Variants in FGF14 observed in about 807,000 individuals in gnomAD.
FGF14 encodes the protein fibroblast growth factor 14, also known as fibroblast growth factor homologous factor 4.
In FGF14, 5 loss-of-function variants were observed where a neutral mutation model predicts 25.5. The ratio of observed to expected loss-of-function variants is 0.20; its 90% CI spans 0.10 to 0.41. The LOEUF (loss-of-function observed/expected upper bound fraction) is 0.41. Ranked by LOEUF, FGF14 falls within the 10% of genes least tolerant of loss-of-function variation. The probability of loss-of-function intolerance (pLI) is 1.00; values close to 1 mark genes in which losing one functional copy is unlikely to be tolerated. For missense variants in FGF14, 222 were observed against 320.1 expected, an observed-to-expected ratio of 0.69 and a Z score of 2.34; for synonymous variants, 138 against 118.3, an observed-to-expected ratio of 1.17 and a Z score of -1.08.
At chr13:102,169,109 G>A (rs745464477) in intron 1 of FGF14, among the ~76,000 whole-genome samples, 1 of 150,852 alleles carries the variant, frequency 6.6e-6, no homozygotes, top group African/African-American at 2.4e-5. Flanking sequence ...ATGAAGCTTT[G>A]TAAGATTCGT....
chr13:102,039,328 A>T (rs1333364972), intron 1 of FGF14, among the ~76,000 whole-genome samples: 1 of 152,154 alleles, frequency 6.6e-6, no homozygotes, highest in Non-Finnish European at 1.5e-5. Flanking sequence ...AGAGGAGAAA[A>T]AGCCCACAGC....
intron 3 of FGF14, among the ~76,000 whole-genome samples, chr13:101,782,819 T>C (rs2039587138): frequency 6.6e-6 from 1 of 152,216 alleles, no homozygotes; most frequent in African/African-American, 2.4e-5. Context: ...TCCATGTCTT[T>C]GCTATTGTGA....
chr13:102,017,182 G>A (rs2040392306), intron 1 of FGF14: 2 of 277,564 alleles, frequency 7.2e-6, no homozygotes, highest in Non-Finnish European at 1.4e-5. Context: ...GGGTAGAAGT[G>A]TATTCTCCAG....
intron 1 of FGF14, among the ~76,000 whole-genome samples, chr13:102,025,387 G>A (rs1050052015): frequency 6.6e-6 from 1 of 151,876 alleles, no homozygotes; most frequent in African/African-American, 2.4e-5. Context: ...TTTTGATGAT[G>A]TTCTGTAGCT....
At chr13:101,816,063 G>T (rs1310419969) in intron 3 of FGF14, among the ~76,000 whole-genome samples, 1 of 151,774 alleles carries the variant, frequency 6.6e-6, no homozygotes, top group Non-Finnish European at 1.5e-5. Flanking sequence ...GAGGTCAGGA[G>T]ATCGAGACCA....
At chr13:101,985,030 T>C (rs2038485616) in intron 1 of FGF14, among the ~76,000 whole-genome samples, 1 of 151,570 alleles carries the variant, frequency 6.6e-6, no homozygotes, top group Admixed American at 6.6e-5. Context: ...ACCATATAGA[T>C]TGTCATGAGC....
intron 1 of FGF14, among the ~76,000 whole-genome samples, chr13:102,123,349 ATAAT>A (rs1408354245): frequency 1.3e-5 from 2 of 152,218 alleles, no homozygotes; most frequent in Non-Finnish European, 2.9e-5. Context: ...AGGTTAATCA[ATAAT>A]TAAGTTAGAA....
chr13:101,757,356 A>C lies in FGF14; in HGVS notation c.409-30546T>G, dbSNP rs1351854028. The stretch of plus-strand genomic sequence containing the variant: ...CTTTTGGGAGAAAAGGGGGGAATAT[A>C]TTTTGAATTGGAATTGAAGCAGATA... On this transcript the variant is annotated intron_variant, in intron 3 of 4. Transcript: ENST00000376143. 2.0e-5 allele frequency among the ~76,000 whole-genome samples: 3 copies of C among 152,112 alleles called. No individual in the cohort carries two copies. The East Asian group carries it at 5.8e-4, about 29-fold the overall frequency.
At chr13:101,821,685 C>T (rs1024402777) in intron 3 of FGF14, among the ~76,000 whole-genome samples, 8 of 152,204 alleles carry the variant, frequency 5.3e-5, no homozygotes, top group Non-Finnish European at 1.2e-4. Flanking sequence ...TTCTGTTCTA[C>T]AACACTACCA....
At position 102,247,091 on chromosome 13, in the gene FGF14, G is replaced by A. The variant is rs765348261; in HGVS notation, c.208+154380C>T. Among the ~76,000 whole-genome samples, 11 of 151,702 alleles carry A rather than the reference G, an allele frequency of 7.3e-5. No individual in the cohort carries two copies. In the East Asian group the frequency reaches 9.7e-4, roughly 13 times the overall value. On this transcript the variant is annotated intron_variant, in intron 1 of 4. Transcript: ENST00000376131. Reference sequence around the variant, plus strand: ...TTACACCATATGCAAAGTTCAAGACGGATTAAGAATTTAAATATAAAATCA... The same window carrying A: ...TTACACCATATGCAAAGTTCAAGACAGATTAAGAATTTAAATATAAAATCA...
At chr13:102,312,968 C>T in intron 1 of FGF14, among the ~76,000 whole-genome samples, 1 of 152,158 alleles carries the variant, frequency 6.6e-6, no homozygotes, top group Non-Finnish European at 1.5e-5. Context: ...AGAGGAGACA[C>T]AACCCTGACA....
At chr13:102,040,110 G>A (rs557446675) in intron 1 of FGF14, among the ~76,000 whole-genome samples, 2 of 152,092 alleles carry the variant, frequency 1.3e-5, no homozygotes, top group African/African-American at 2.4e-5. Flanking sequence ...AATCCTATCC[G>A]TTCTTCAAGC....
At chr13:102,041,187 T>C (rs2041717396) in intron 1 of FGF14, among the ~76,000 whole-genome samples, 1 of 152,110 alleles carries the variant, frequency 6.6e-6, no homozygotes, top group Non-Finnish European at 1.5e-5. Context: ...AAAAATTTAA[T>C]GCCCTATAAT....
chr13:102,029,278 T>A (rs956205343), intron 1 of FGF14, among the ~76,000 whole-genome samples: 18 of 152,066 alleles, frequency 1.2e-4, no homozygotes, highest in African/African-American at 4.3e-4. Flanking sequence ...AAATGTAGAA[T>A]CAGATATTTT....
intron 1 of FGF14, among the ~76,000 whole-genome samples, chr13:102,243,511 A>T (rs1438531064): frequency 6.6e-6 from 1 of 152,108 alleles, no homozygotes; most frequent in Non-Finnish European, 1.5e-5. Context: ...AACAATTAAC[A>T]ACAAAAAAAC....
chr13:102,272,344 C>A (rs1051780655), intron 1 of FGF14, among the ~76,000 whole-genome samples: 2 of 152,164 alleles, frequency 1.3e-5, no homozygotes, highest in African/African-American at 4.8e-5. Context: ...TTACTTCATG[C>A]ATTTCTTACT....
chr13:101,820,153 G>C (rs572555951), intron 3 of FGF14, among the ~76,000 whole-genome samples: 1 of 152,196 alleles, frequency 6.6e-6, no homozygotes, highest in South Asian at 2.1e-4. Context: ...AACAGTGGCA[G>C]CAATATATCA....
At chr13:101,901,104 C>T (rs554940618) in intron 1 of FGF14, among the ~76,000 whole-genome samples, 2 of 151,962 alleles carry the variant, frequency 1.3e-5, no homozygotes, top group South Asian at 2.1e-4. Context: ...ATTTTTCCCA[C>T]AGGTTGGGAA....
Position 101,714,143 on chromosome 13 carries a change from C to T in FGF14, c.*8688G>A. 3.5e-6 allele frequency: 1 copy of T among 281,708 alleles called. No individual in the cohort carries two copies. The highest frequency in any genetic ancestry group is 6.6e-6 in the Non-Finnish European group (1 of 152,476). 17.5% of individuals were successfully genotyped at this position (281,708 alleles called of 1,614,324 possible). ...ATTTTTGAATACTTTTTTGGAAGACCATCTATAAGAATCAACCCCATCCTG... is the reference window on the plus strand; with the variant it reads ...ATTTTTGAATACTTTTTTGGAAGACTATCTATAAGAATCAACCCCATCCTG... On this transcript the variant is annotated 3_prime_UTR_variant, in exon 5 of 5. Transcript: ENST00000376143.
Sources: gnomAD v4.1 joint callset for allele counts (sites outside exome capture counted in the v4.1 genomes callset) on GRCh38, gnomAD v4.1.1 for gene constraint, MANE v1.5 for transcripts, NCBI Gene and HGNC (gene_info 2026-07-23, HGNC 2026-07-21) for gene names.